AAGAB: variants seen among roughly 807,000 people sequenced by gnomAD.
The protein encoded by AAGAB is alpha and gamma adaptin binding protein, also known as alpha- and gamma-adaptin-binding protein p34.
In AAGAB, 38 loss-of-function variants were observed where a neutral mutation model predicts 44.1. The ratio of observed to expected loss-of-function variants is 0.86; its 90% confidence interval spans 0.67 to 1.13. The LOEUF (loss-of-function observed/expected upper bound fraction) is 1.13. Ranked by LOEUF, AAGAB falls within the 50% of genes most tolerant of loss-of-function variation. The pLI is 0.00. For synonymous variants in AAGAB, 131 were observed against 131.8 expected (o/e 0.99, Z 0.04); for missense variants, 450 against 373.8 (o/e 1.20, Z -1.68).
intron 1 of AAGAB, among the ~76,000 whole-genome samples, chr15:67,240,749 G>A (rs1596010896): frequency 6.6e-6 from 1 of 152,270 alleles, no homozygotes; most frequent in Non-Finnish European, 1.5e-5. Flanking sequence ...GTAAGTTACA[G>A]GAAATAAGAT....
intron 5 of AAGAB, among the ~76,000 whole-genome samples, chr15:67,229,103 T>C (rs1372559114): frequency 6.6e-6 from 1 of 152,014 alleles, no homozygotes; most frequent in East Asian, 1.9e-4. Flanking sequence ...AATTTACCCA[T>C]GTAACAAACC....
At chr15:67,225,346 A>C (rs1461518970) in intron 5 of AAGAB, among the ~76,000 whole-genome samples, 1 of 152,052 alleles carries the variant, frequency 6.6e-6, no homozygotes, top group Non-Finnish European at 1.5e-5. Flanking sequence ...CACCTTTTCT[A>C]CTATTACCAT....
intron 5 of AAGAB, among the ~76,000 whole-genome samples, chr15:67,217,639 G>C (rs1263770930): frequency 2.6e-5 from 4 of 152,158 alleles, no homozygotes; most frequent in African/African-American, 9.7e-5. Context: ...CCGGGTTCAA[G>C]CAATTCTCTT....
chr15:67,249,788 T>C (rs931774412), intron 1 of AAGAB, among the ~76,000 whole-genome samples: 5 of 152,238 alleles, frequency 3.3e-5, no homozygotes, highest in Admixed American at 1.3e-4. Context: ...TTTGAACATA[T>C]GCTCCAGCAC....
chr15:67,238,730 C>G (rs1210132410), intron 1 of AAGAB, among the ~76,000 whole-genome samples: 1 of 150,634 alleles, frequency 6.6e-6, no homozygotes, highest in Non-Finnish European at 1.5e-5. Context: ...GAGTCTCGCT[C>G]TGTTGCGCAG....
intron 5 of AAGAB, among the ~76,000 whole-genome samples, chr15:67,221,879 T>A (rs34699563): frequency 6.6e-6 from 1 of 152,032 alleles, no homozygotes; most frequent in Non-Finnish European, 1.5e-5. Flanking sequence ...ATGGATGTTG[T>A]CCTCTACATT....
chr15:67,245,078 C>T (rs1964689931), intron 1 of AAGAB, among the ~76,000 whole-genome samples: 1 of 152,136 alleles, frequency 6.6e-6, no homozygotes, highest in Non-Finnish European at 1.5e-5. Flanking sequence ...GGTGCAGCCA[C>T]TCTGGAAGAA....
At chr15:67,242,300 G>A (rs1228468033) in intron 1 of AAGAB, among the ~76,000 whole-genome samples, 6 of 132,728 alleles carry the variant, frequency 4.5e-5, no homozygotes, top group Non-Finnish European at 1.6e-5. Context: ...GCGGGCGCCT[G>A]TAGTCCCAGC....
chr15:67,226,175 C>A (rs972670827), intron 5 of AAGAB, among the ~76,000 whole-genome samples: 2 of 151,952 alleles, frequency 1.3e-5, no homozygotes, highest in Admixed American at 6.6e-5. Context: ...CTCTGTTGCC[C>A]AGGCTGGAGT....
chr15:67,236,944 G>A lies in AAGAB; in HGVS notation c.74-124C>T, dbSNP rs544843877. ...TTTCCTTTTATGTGAGGATTTCAAA[G>A]GACCCTGCATTTATTAGCTTTAATC... On this transcript the variant is annotated intron_variant, in intron 1 of 9. Transcript: ENST00000261880. 1.3e-5 allele frequency: 9 copies of A among 677,172 alleles called. No individual in the cohort carries two copies. In the South Asian group the frequency reaches 1.8e-4, roughly 13 times the overall value. 41.9% of individuals were successfully genotyped at this position (677,172 alleles called of 1,614,324 possible).
chr15:67,232,542 G>A, intron 4 of AAGAB: 1 of 386,784 alleles, frequency 2.6e-6, no homozygotes, highest in Non-Finnish European at 5.2e-6. Context: ...CCCCGGGAAG[G>A]CAACACTACC....
At chr15:67,255,097 A>G, upstream of AAGAB, 7 of 742,384 alleles carry the variant, frequency 9.4e-6, no homozygotes, top group South Asian at 1.1e-4. Flanking sequence ...ATGCCCACCC[A>G]GACCTTCCCC....
At chr15:67,228,597 T>C (rs2140368963) in intron 5 of AAGAB, among the ~76,000 whole-genome samples, 1 of 152,280 alleles carries the variant, frequency 6.6e-6, no homozygotes, top group African/African-American at 2.4e-5. Flanking sequence ...ATAGAATTAC[T>C]ATTCAACCCA....
intron 1 of AAGAB, among the ~76,000 whole-genome samples, chr15:67,249,626 G>A (rs1426422174): frequency 6.6e-6 from 1 of 152,122 alleles, no homozygotes; most frequent in Non-Finnish European, 1.5e-5. Flanking sequence ...ATCATCCGAA[G>A]TGGCAATGTG....
intron 5 of AAGAB, among the ~76,000 whole-genome samples, chr15:67,230,932 G>A (rs1365255794): frequency 6.6e-6 from 1 of 152,056 alleles, no homozygotes; most frequent in Non-Finnish European, 1.5e-5. Flanking sequence ...AATCTCCAGT[G>A]ACTCACCAAT....
chr15:67,243,407 T>G (rs1048733154), intron 1 of AAGAB, among the ~76,000 whole-genome samples: 6 of 152,166 alleles, frequency 3.9e-5, no homozygotes, highest in African/African-American at 1.4e-4. Context: ...TTCTCTGAAT[T>G]CCATTGCTAG....
intron 1 of AAGAB, among the ~76,000 whole-genome samples, chr15:67,238,949 C>A (rs1296086583): frequency 6.6e-6 from 1 of 152,192 alleles, no homozygotes; most frequent in East Asian, 1.9e-4. Context: ...CCCGCCTCGG[C>A]CTTCCAAAGT....
At chr15:67,223,858 C>T (rs1166848165) in intron 5 of AAGAB, among the ~76,000 whole-genome samples, 1 of 152,216 alleles carries the variant, frequency 6.6e-6, no homozygotes, top group Non-Finnish European at 1.5e-5. Flanking sequence ...CCTTCAAATG[C>T]ACCAGGCGTG....
At chr15:67,229,994 G>A (rs1358639050) in intron 5 of AAGAB, among the ~76,000 whole-genome samples, 6 of 151,714 alleles carry the variant, frequency 4.0e-5, no homozygotes, top group Non-Finnish European at 7.4e-5. Flanking sequence ...TTACAGGCAC[G>A]TGCCATCACA....
Sources: gnomAD v4.1 joint callset for allele counts (sites outside exome capture counted in the v4.1 genomes callset) on GRCh38, gnomAD v4.1.1 for gene constraint, MANE v1.5 for transcripts, NCBI Gene and HGNC (gene_info 2026-07-23, HGNC 2026-07-21) for gene names.